The following TSPEAR variants were observed in gnomAD, a reference collection of about 807,000 sequenced individuals.
TSPEAR encodes thrombospondin type laminin G domain and EAR repeats, also known as thrombospondin-type laminin G domain and EAR repeat-containing protein.
Under a neutral mutation model 71.6 loss-of-function variants are expected in TSPEAR, and 69 were observed. That is an observed-to-expected ratio of 0.96 (90% CI 0.79 to 1.18). TSPEAR has a LOEUF of 1.18. Ranked by LOEUF, TSPEAR falls within the 50% of genes most tolerant of loss-of-function variation. The probability of loss-of-function intolerance (pLI) is 0.00; values close to 1 mark genes in which losing one functional copy is unlikely to be tolerated. For missense variants in TSPEAR, 971 were observed against 894.9 expected (o/e 1.09, Z -1.09); for synonymous variants, 402 against 387.2 (o/e 1.04, Z -0.45).
intron 1 of TSPEAR, among the ~76,000 whole-genome samples, chr21:44,613,690 C>G (rs425823): frequency 0.92 from 139,341 of 152,078 alleles, 63,969 homozygotes; most frequent in Middle Eastern, 0.95. Flanking sequence ...GCATCATGGA[C>G]TGGGTGGAGG....
At chr21:44,608,702 C>A (rs1172516248) in intron 1 of TSPEAR, among the ~76,000 whole-genome samples, 1 of 152,142 alleles carries the variant, frequency 6.6e-6, no homozygotes, top group Non-Finnish European at 1.5e-5. Flanking sequence ...TAAACACTTT[C>A]CAAAATAAAC....
At chr21:44,622,908 C>T (rs1477802443) in intron 1 of TSPEAR, among the ~76,000 whole-genome samples, 1 of 152,158 alleles carries the variant, frequency 6.6e-6, no homozygotes, top group South Asian at 2.1e-4. Flanking sequence ...CTTAGTAGTG[C>T]TGTCCTTGTG....
chr21:44,574,966 G>A lies in TSPEAR; in HGVS notation c.83-6961C>T, dbSNP rs12626886. ...GCCTCCTGCGTGTCCCTCCTCTGAC[G>A]CCCCGTGTGCTCCCGCCCAGCCTGC... is the stretch of plus-strand genomic sequence containing the variant. On this transcript the variant is annotated intron_variant, in intron 1 of 11. Coordinates refer to ENST00000323084, the MANE Select transcript of TSPEAR (RefSeq NM_144991.3). 2.2e-3 allele frequency: 3,556 copies of A among 1,612,644 alleles called. 16 individuals carry two copies. The highest frequency in any genetic ancestry group is 1.8e-3 in the Non-Finnish European group (2,132 of 1,179,382).
intron 1 of TSPEAR, among the ~76,000 whole-genome samples, chr21:44,636,889 A>G (rs1261419487): frequency 1.3e-5 from 2 of 152,126 alleles, no homozygotes; most frequent in Non-Finnish European, 2.9e-5. Context: ...TGCCCTTGGC[A>G]GACATCAGGA....
At chr21:44,647,489 G>A in intron 1 of TSPEAR, 1 of 1,078,482 alleles carries the variant, frequency 9.3e-7, no homozygotes, top group Non-Finnish European at 1.3e-6. Flanking sequence ...AGGGGATTTT[G>A]AGCGCGTCAC....
intron 1 of TSPEAR, among the ~76,000 whole-genome samples, chr21:44,704,324 G>T (rs139617735): frequency 4.7e-4 from 72 of 152,098 alleles, no homozygotes; most frequent in African/African-American, 1.5e-3. Flanking sequence ...TTCCCTGGCT[G>T]TTGGGGCCTG....
At chr21:44,615,184 C>A (rs1027834451) in intron 1 of TSPEAR, among the ~76,000 whole-genome samples, 3 of 152,242 alleles carry the variant, frequency 2.0e-5, no homozygotes, top group Non-Finnish European at 2.9e-5. Context: ...CTGTTTGTTA[C>A]CATGAAAAAT....
Position 44,517,022 on chromosome 21 carries a change from C to G in TSPEAR, c.1566+4861G>C, listed in dbSNP as rs1045601376. ...GCGGCTGCTGCACAGGAAGGCCGTC[C>G]TGGCCTGGCCCCTGTGTCTCTGCCT... On this transcript the variant is annotated intron_variant, in intron 9 of 11. Coordinates refer to ENST00000323084, the MANE Select transcript of TSPEAR (RefSeq NM_144991.3). Among the ~76,000 whole-genome samples the G allele has an allele frequency of 2.0e-5, 3 of 152,310 alleles. No individual in the cohort carries two copies. The East Asian group carries it at 5.8e-4, about 29-fold the overall frequency.
intron 1 of TSPEAR, among the ~76,000 whole-genome samples, chr21:44,582,796 C>A (rs73233053): frequency 0.021 from 3,208 of 151,272 alleles, 56 homozygotes; most frequent in Non-Finnish European, 0.033. Context: ...CAATTTCTTT[C>A]TTTCTCTCTT....
At chr21:44,674,717 G>T (rs1222681257) in intron 1 of TSPEAR, among the ~76,000 whole-genome samples, 1 of 148,952 alleles carries the variant, frequency 6.7e-6, no homozygotes, top group Non-Finnish European at 1.5e-5. Flanking sequence ...GACAAAGGGA[G>T]ACTCTGTCTT....
In TSPEAR at chr21:44,557,740, G is replaced by C. The variant is rs587598572; in HGVS notation, c.303+10045C>G. On this transcript the variant is annotated intron_variant, in intron 2 of 11. Transcript: ENST00000323084. ...CCGAAGCTCCCACCCCACGCGGCACGTTGAAGTTCTTCCCACAGGGTTTGC... is the reference window on the plus strand; with the variant it reads ...CCGAAGCTCCCACCCCACGCGGCACCTTGAAGTTCTTCCCACAGGGTTTGC... 1.5e-5 allele frequency: 6 copies of C among 411,986 alleles called. No homozygotes were observed. The East Asian group carries it at 2.5e-4, about 17-fold the overall frequency. The allele number at this position is 411,986 out of a possible 1,614,324, so 25.5% of individuals were successfully genotyped here.
At position 44,521,890 on chromosome 21, in the gene TSPEAR, G is replaced by C; in HGVS notation, c.1559C>G (p.Ser520Cys). 1.2e-6 allele frequency: 2 copies of C among 1,613,538 alleles called. No individual in the cohort carries two copies. The highest frequency in any genetic ancestry group is 1.7e-6 in the Non-Finnish European group (2 of 1,179,818). ...TCATGCGGGGGGCCTTACCGGGAAG[G>C]ACTGGAAGAGCTGGAAGGAGCCCAG... The part of the protein sequence containing the change: ...RLLGSFQLFQ[S>C]FPTFGAADWE... Residue 520 changes from serine (S) to cysteine (C), a missense_variant, in exon 9 of 12, where the codon TCC (serine) becomes TGC (cysteine). By Grantham distance (112) the Ser-to-Cys change is moderately radical. Coordinates refer to ENST00000323084, the MANE Select transcript of TSPEAR (RefSeq NM_144991.3).
intron 2 of TSPEAR, among the ~76,000 whole-genome samples, chr21:44,565,649 G>C (rs782294967): frequency 6.6e-6 from 1 of 152,122 alleles, no homozygotes; most frequent in African/African-American, 2.4e-5. Flanking sequence ...AGAAAAAGCA[G>C]TTGATAAAAT....
intron 1 of TSPEAR, chr21:44,637,367 A>G: frequency 6.4e-7 from 1 of 1,573,350 alleles, no homozygotes; most frequent in Non-Finnish European, 8.6e-7. Context: ...ACTCACTCAC[A>G]CACTCACTCA....
chr21:44,693,974 C>A (rs79014541), intron 1 of TSPEAR, among the ~76,000 whole-genome samples: 2 of 152,266 alleles, frequency 1.3e-5, no homozygotes, highest in African/African-American at 2.4e-5. Context: ...TTCACACTTC[C>A]CAATTTTAAA....
chr21:44,670,236 G>GTGGGTTCC (rs1985991083), intron 1 of TSPEAR, among the ~76,000 whole-genome samples: 1 of 152,198 alleles, frequency 6.6e-6, no homozygotes, highest in Admixed American at 6.5e-5. Flanking sequence ...GTGTCAGGTA[G>GTGGGTTCC]TGGGTTCATG....
At chr21:44,683,777 G>C (rs1986730880) in intron 1 of TSPEAR, among the ~76,000 whole-genome samples, 1 of 152,196 alleles carries the variant, frequency 6.6e-6, no homozygotes, top group South Asian at 2.1e-4. Flanking sequence ...ATGACTGTAA[G>C]CAGCTATTAT....
intron 1 of TSPEAR, among the ~76,000 whole-genome samples, chr21:44,588,586 T>C (rs1555925962): frequency 1.3e-5 from 2 of 151,506 alleles, no homozygotes; most frequent in African/African-American, 4.8e-5. Flanking sequence ...CGCATGTTTA[T>C]AGCAGCACAA....
At chr21:44,630,342 C>T (rs1601507403) in intron 1 of TSPEAR, among the ~76,000 whole-genome samples, 1 of 152,192 alleles carries the variant, frequency 6.6e-6, no homozygotes, top group Non-Finnish European at 1.5e-5. Context: ...AGCAGCTACA[C>T]AGAGGCTTGG....
Sources: allele counts gnomAD v4.1 joint callset (sites outside exome capture counted in the v4.1 genomes callset), GRCh38; gene constraint gnomAD v4.1.1; transcripts MANE v1.5; gene names NCBI Gene and HGNC (gene_info 2026-07-23, HGNC 2026-07-21).